The following LAMA4 variants were observed in gnomAD, a reference collection of about 807,000 sequenced individuals.
LAMA4 encodes the protein laminin subunit alpha 4, also known as laminin subunit alpha-4.
LAMA4 carries 127 observed loss-of-function variants against 207.1 expected under a neutral mutation model. The ratio of observed to expected loss-of-function variants is 0.61; its 90% CI spans 0.53 to 0.71. The LOEUF (loss-of-function observed/expected upper bound fraction) is 0.71. Among genes scored for constraint, LAMA4 ranks in the 30% least tolerant of loss-of-function variants. The pLI, the probability that LAMA4 is intolerant of heterozygous loss-of-function variation, is 0.00. For missense variants in LAMA4, 2,093 were observed against 2,246.5 expected (o/e 0.93, Z 1.38); for synonymous variants, 761 against 816.0 (o/e 0.93, Z 1.15).
At position 112,248,835 on chromosome 6, in the gene LAMA4, T is replaced by TC. The variant is rs531248040; in HGVS notation, c.195+5120dup. 2.6e-4 allele frequency among the ~76,000 whole-genome samples: 40 copies of TC among 152,160 alleles called. No homozygotes were observed. The South Asian group carries it at 3.3e-3, about 13-fold the overall frequency. Reference sequence around the variant, plus strand: ...AAAAAAAGTGCTCTATCAGGAAGACTCCCTGGTATACAGAAAGCAGAGAAA... The same window carrying TC: ...AAAAAAAGTGCTCTATCAGGAAGACTCCCCTGGTATACAGAAAGCAGAGAAA... On this transcript the variant is annotated intron_variant, in intron 2 of 38. Transcript: ENST00000230538.
At chr6:112,142,433 T>C (rs1226324773) in intron 19 of LAMA4, 141 bp from the exon 20 acceptor site, 2 of 804,880 alleles carry the variant, frequency 2.5e-6, no homozygotes, top group Non-Finnish European at 2.1e-6. Context: ...CCTCCCCTAG[T>C]TGAAGAGAAG....
chr6:112,145,949 T>C (rs1375545440), intron 18 of LAMA4, among the ~76,000 whole-genome samples: 2 of 152,106 alleles, frequency 1.3e-5, no homozygotes, highest in Non-Finnish European at 2.9e-5. Context: ...CCACCTTTTT[T>C]CCTTTTCTAT....
chr6:112,233,707 T>G (rs1467993893), intron 2 of LAMA4, among the ~76,000 whole-genome samples: 2 of 152,198 alleles, frequency 1.3e-5, no homozygotes, highest in Non-Finnish European at 1.5e-5. Context: ...ATAGGGCAAT[T>G]TTTAGTTTAC....
chr6:112,109,478 C>T lies in LAMA4; in HGVS notation c.5431G>A (p.Val1811Ile), dbSNP rs1777577267. The T allele has an allele frequency of 1.9e-6, 3 of 1,614,030 alleles. No homozygotes were observed. In the East Asian group the frequency reaches 6.7e-5, roughly 36 times the overall value. Residue 1811 changes from valine (V) to isoleucine (I), a missense_variant, in exon 39 of 39, where the codon GTC becomes ATC. Physicochemically the swap from Val to Ile is conservative, Grantham distance 29. Around this residue, in one of 3 missense-constraint regions of LAMA4, gnomAD observed 383 missense variants for 437.8 expected, o/e 0.87. Coordinates refer to ENST00000230538, the MANE Select transcript of LAMA4 (RefSeq NM_001105206.3). ...GAGTTGATGCTTACGGCGCCGCTGACCAGGGCTGCTTTACTGAAGCTCACT... is the reference window on the plus strand; with the variant it reads ...GAGTTGATGCTTACGGCGCCGCTGATCAGGGCTGCTTTACTGAAGCTCACT... Reference protein sequence around the residue: ...HPVSFSKAALVSGAVSINSCP... With the variant: ...HPVSFSKAALISGAVSINSCP...
chr6:112,141,590 T>C (rs1272376038), intron 20 of LAMA4, 87 bp from the exon 21 acceptor site: 2 of 1,062,178 alleles, frequency 1.9e-6, no homozygotes, highest in African/African-American at 3.2e-5. Context: ...GAAATCCAAA[T>C]ATTTGGGTAT....
At chr6:112,218,048 TG>T (rs1554359291) in intron 2 of LAMA4, 4 of 152,202 alleles carry the variant, frequency 2.6e-5, no homozygotes, top group African/African-American at 9.7e-5. Context: ...AAAGTAATAA[TG>T]TACCTAAAAC....
At chr6:112,180,116 A>G (rs1554344940) in intron 9 of LAMA4, among the ~76,000 whole-genome samples, 1 of 152,180 alleles carries the variant, frequency 6.6e-6, no homozygotes, top group African/African-American at 2.4e-5. Flanking sequence ...TATATTTGCA[A>G]AGCACAACAC....
intron 3 of LAMA4, among the ~76,000 whole-genome samples, chr6:112,208,641 A>G (rs531567165): frequency 5.3e-4 from 80 of 152,360 alleles, no homozygotes; most frequent in Non-Finnish European, 9.3e-4. Flanking sequence ...AGGCTTAACA[A>G]ACAGTAGTAA....
At chr6:112,205,662 G>C (rs1241205613) in intron 4 of LAMA4, among the ~76,000 whole-genome samples, 2 of 151,946 alleles carry the variant, frequency 1.3e-5, no homozygotes, top group South Asian at 4.2e-4. Flanking sequence ...TTCATAACAG[G>C]CACCTTTCAA....
intron 12 of LAMA4, among the ~76,000 whole-genome samples, chr6:112,168,781 C>T (rs1477705973): frequency 6.6e-6 from 1 of 151,984 alleles, no homozygotes; most frequent in Non-Finnish European, 1.5e-5. Context: ...TGTCTGTGTG[C>T]CTGCATATTC....
chr6:112,123,077 C>T (rs1207996314), intron 31 of LAMA4, among the ~76,000 whole-genome samples: 4 of 152,090 alleles, frequency 2.6e-5, no homozygotes, highest in Admixed American at 2.6e-4. Context: ...CCAGATAGGA[C>T]CTTAGATGAT....
At chr6:112,155,042 A>G in intron 15 of LAMA4, 95 bp from the exon 16 acceptor site, 2 of 847,846 alleles carry the variant, frequency 2.4e-6, no homozygotes, top group African/African-American at 3.3e-5. Flanking sequence ...TATCTGCTAA[A>G]CACCAAGCAA....
At chr6:112,175,859 A>G (rs1781995461) in intron 10 of LAMA4, among the ~76,000 whole-genome samples, 2 of 152,244 alleles carry the variant, frequency 1.3e-5, no homozygotes, top group Admixed American at 6.5e-5. Flanking sequence ...ACAGTCTTTG[A>G]TCAGCCTTTT....
At chr6:112,133,304 T>A in intron 27 of LAMA4, 45 bp downstream of exon 27, 2 of 1,603,982 alleles carry the variant, frequency 1.2e-6, no homozygotes, top group Non-Finnish European at 1.7e-6. Context: ...TTGAGAGTGA[T>A]AAGTATTGTG....
intron 31 of LAMA4, 139 bp from the exon 32 acceptor site, chr6:112,122,340 CT>C (rs1156745795): frequency 1.5e-6 from 1 of 669,228 alleles, no homozygotes; most frequent in Non-Finnish European, 2.6e-6. Context: ...TAGGTCCCCT[CT>C]CTTTCCTACC....
chr6:112,190,346 G>C (rs1782943346), intron 6 of LAMA4, among the ~76,000 whole-genome samples: 1 of 152,138 alleles, frequency 6.6e-6, no homozygotes, highest in South Asian at 2.1e-4. Context: ...ATGCCTCTAT[G>C]CACATTGCTT....
At chr6:112,198,427 T>C (rs1186003933) in intron 5 of LAMA4, among the ~76,000 whole-genome samples, 1 of 152,122 alleles carries the variant, frequency 6.6e-6, no homozygotes, top group Non-Finnish European at 1.5e-5. Flanking sequence ...ACAAATACAT[T>C]GAAAGCACAG....
In LAMA4 at chr6:112,191,866, A is replaced by T. The variant is rs1783141115; in HGVS notation, c.504-16T>A. On this transcript the variant is annotated splice_polypyrimidine_tract_variant and intron_variant, in intron 5 of 38. Coordinates refer to ENST00000230538, the MANE Select transcript of LAMA4 (RefSeq NM_001105206.3). Reference sequence around the variant, plus strand: ...GGGAGCACATCTGAAGAGGAATATCACACATTTAAATATTTAGCATCATGG... The same window carrying T: ...GGGAGCACATCTGAAGAGGAATATCTCACATTTAAATATTTAGCATCATGG... 1 of 1,555,826 alleles carries T rather than the reference A, an allele frequency of 6.4e-7. No individual in the cohort carries two copies. Among genetic ancestry groups the T allele is most frequent in the Non-Finnish European group, 8.9e-7 (1 of 1,127,878 alleles).
chr6:112,200,072 G>A, intron 5 of LAMA4: 2 of 529,568 alleles, frequency 3.8e-6, no homozygotes, highest in South Asian at 1.4e-5. Flanking sequence ...TTGAGCAAAA[G>A]CCATTTTATC....
Sources: allele counts gnomAD v4.1 joint callset (sites outside exome capture counted in the v4.1 genomes callset), GRCh38; gene constraint gnomAD v4.1.1; regional missense constraint gnomAD v4.1.1; transcripts MANE v1.5; gene names NCBI Gene and HGNC (gene_info 2026-07-23, HGNC 2026-07-21).